RERG: variants seen among roughly 807,000 people sequenced by gnomAD.
The protein encoded by RERG is RAS like estrogen regulated growth inhibitor, also known as ras-related and estrogen-regulated growth inhibitor.
A neutral mutation model predicts 23.2 loss-of-function variants in RERG; 25 were observed. That is an observed-to-expected ratio of 1.08 (90% CI 0.79 to 1.50). The LOEUF is 1.50. Among genes scored for constraint, RERG ranks in the 40% most tolerant of loss-of-function variants. The pLI is 0.00. For missense variants in RERG, 253 were observed against 250.1 expected (o/e 1.01, Z -0.08); for synonymous variants, 81 against 89.1 (o/e 0.91, Z 0.51).
In RERG at chr12:15,206,089, T is replaced by C. The variant is rs1229510129; in HGVS notation, c.61+11340A>G. On this transcript the variant is annotated intron_variant, in intron 2 of 4. Transcript: ENST00000256953. The stretch of plus-strand genomic sequence containing the variant: ...GACTATATATTTAATCCCCAAACAC[T>C]TACCATGCAATCTAGCTCAATCCCT... Among the ~76,000 whole-genome samples the C allele has an allele frequency of 4.6e-5, 7 of 152,064 alleles. No individual in the cohort carries two copies. In the East Asian group the frequency reaches 7.7e-4, roughly 17 times the overall value.
At chr12:15,140,296 C>T (rs1293923699) in intron 2 of RERG, among the ~76,000 whole-genome samples, 4 of 152,080 alleles carry the variant, frequency 2.6e-5, no homozygotes, top group Non-Finnish European at 4.4e-5. Context: ...GACAGCTACC[C>T]GGAAACCAGG....
chr12:15,110,463 C>CTTTCTTTTTT (rs1863586835), intron 4 of RERG, among the ~76,000 whole-genome samples: 2 of 73,148 alleles, frequency 2.7e-5, no homozygotes, highest in African/African-American at 6.0e-5. Flanking sequence ...CCATTTTTTT[C>CTTTCTTTTTT]TTTTTTTTTT....
chr12:15,126,409 T>C (rs1015706346), intron 2 of RERG, among the ~76,000 whole-genome samples: 2 of 151,970 alleles, frequency 1.3e-5, no homozygotes, highest in African/African-American at 4.8e-5. Context: ...CACACATACA[T>C]AGACAATGTA....
chr12:15,166,239 G>A (rs1864685525), intron 2 of RERG, among the ~76,000 whole-genome samples: 1 of 152,184 alleles, frequency 6.6e-6, no homozygotes. Context: ...GTAAGCCCAG[G>A]GTTTCTTCTA....
At chr12:15,181,428 C>A (rs543787639) in intron 2 of RERG, among the ~76,000 whole-genome samples, 7 of 152,322 alleles carry the variant, frequency 4.6e-5, no homozygotes, top group African/African-American at 1.7e-4. Flanking sequence ...GCTTTGCAGA[C>A]TTAAAATGTG....
intron 2 of RERG, among the ~76,000 whole-genome samples, chr12:15,164,853 CT>C (rs947368936): frequency 6.6e-6 from 1 of 152,072 alleles, no homozygotes; most frequent in African/African-American, 2.4e-5. Flanking sequence ...GAAAATTGAC[CT>C]TTTGCACCTG....
rs1183216566 is a variant in RERG, at chr12:15,221,351, CA to C, written c.-272del. 1 of 152,278 alleles carries C rather than the reference CA, an allele frequency of 6.6e-6. No homozygotes were observed. The highest frequency in any genetic ancestry group is 1.5e-5 in the Non-Finnish European group (1 of 68,078). The allele number at this position is 152,278 out of a possible 1,614,324, so 9.4% of individuals were successfully genotyped here. ...TCGTGGGTGGGACTCGCCGCAGAAG[CA>C]AGTGCCAGTGGCCCGGCGGGGGTCT... is the stretch of plus-strand genomic sequence containing the variant. On this transcript the variant is annotated 5_prime_UTR_variant, in exon 1 of 5. Transcript: ENST00000256953.
At chr12:15,213,643 C>CGTGT (rs1424280000) in intron 2 of RERG, among the ~76,000 whole-genome samples, 1 of 152,214 alleles carries the variant, frequency 6.6e-6, no homozygotes, top group Non-Finnish European at 1.5e-5. Flanking sequence ...CGTGCACATA[C>CGTGT]ACACATCCCT....
chr12:15,132,571 TG>T (rs1864067562), intron 2 of RERG, among the ~76,000 whole-genome samples: 2 of 152,188 alleles, frequency 1.3e-5, no homozygotes, highest in South Asian at 4.1e-4. Context: ...GTGTGATGGC[TG>T]GATTATGGTA....
At chr12:15,132,277 T>G (rs1400114855) in intron 2 of RERG, among the ~76,000 whole-genome samples, 1 of 152,218 alleles carries the variant, frequency 6.6e-6, no homozygotes, top group African/African-American at 2.4e-5. Flanking sequence ...ATGTGTCCAA[T>G]AATAATTGGA....
intron 4 of RERG, among the ~76,000 whole-genome samples, chr12:15,110,472 T>TTTTTTTC: frequency 1.3e-5 from 1 of 76,446 alleles, no homozygotes; most frequent in Non-Finnish European, 2.9e-5. Flanking sequence ...TCTTTTTTTT[T>TTTTTTTC]TTTTTTTTTT....
chr12:15,202,304 C>T (rs970091007), intron 2 of RERG, among the ~76,000 whole-genome samples: 1 of 151,676 alleles, frequency 6.6e-6, no homozygotes, highest in African/African-American at 2.4e-5. Flanking sequence ...GTTAAGAACA[C>T]GTGATATGAG....
chr12:15,185,228 G>A (rs1473550881), intron 2 of RERG, among the ~76,000 whole-genome samples: 1 of 152,124 alleles, frequency 6.6e-6, no homozygotes, highest in Non-Finnish European at 1.5e-5. Flanking sequence ...TATAGAACAT[G>A]AAATATTTAG....
chr12:15,144,149 A>G (rs1864289743), intron 2 of RERG, among the ~76,000 whole-genome samples: 1 of 152,184 alleles, frequency 6.6e-6, no homozygotes, highest in South Asian at 2.1e-4. Context: ...GGAAGAATGA[A>G]GTTCCATTTC....
At chr12:15,209,509 GT>G (rs368106684) in intron 2 of RERG, among the ~76,000 whole-genome samples, 3,680 of 147,366 alleles carry the variant, frequency 0.025, 137 homozygotes, top group African/African-American at 0.085. Flanking sequence ...TGATTCATCA[GT>G]TTTTTTTTTT....
At chr12:15,183,454 A>G (rs1016616005) in intron 2 of RERG, among the ~76,000 whole-genome samples, 4 of 152,142 alleles carry the variant, frequency 2.6e-5, no homozygotes, top group African/African-American at 4.8e-5. Flanking sequence ...ATATTAATAA[A>G]GTATCTCTTT....
At chr12:15,187,806 G>A (rs578231486) in intron 2 of RERG, among the ~76,000 whole-genome samples, 2 of 151,886 alleles carry the variant, frequency 1.3e-5, no homozygotes, top group South Asian at 2.2e-4. Flanking sequence ...TGATCCACCC[G>A]CCTCGGCCTC....
intron 2 of RERG, among the ~76,000 whole-genome samples, chr12:15,194,866 G>A (rs961076823): frequency 3.3e-5 from 5 of 152,094 alleles, no homozygotes; most frequent in Admixed American, 6.6e-5. Flanking sequence ...CCACAACCAC[G>A]TCAATATCCA....
At chr12:15,151,017 A>T (rs999024111) in intron 2 of RERG, among the ~76,000 whole-genome samples, 3 of 152,146 alleles carry the variant, frequency 2.0e-5, no homozygotes, top group African/African-American at 7.2e-5. Context: ...AATACAGAAA[A>T]CAGCTTGTGG....
Sources: gnomAD v4.1 joint callset for allele counts (sites outside exome capture counted in the v4.1 genomes callset) on GRCh38, gnomAD v4.1.1 for gene constraint, MANE v1.5 for transcripts, NCBI Gene and HGNC (gene_info 2026-07-23, HGNC 2026-07-21) for gene names.